CA12: variants seen among roughly 807,000 people sequenced by gnomAD.
CA12 encodes carbonic anhydrase 12, also known as carbonate dehydratase XII.
In CA12, 36 loss-of-function variants were observed where a neutral mutation model predicts 46.8. The ratio of observed to expected loss-of-function variants is 0.77; its 90% CI spans 0.59 to 1.02. The LOEUF is 1.02. Among genes scored for constraint, CA12 ranks in the 50% least tolerant of loss-of-function variants. CA12 has a pLI of 0.00. For missense variants in CA12, 436 were observed against 451.4 expected (o/e 0.97, Z 0.31); for synonymous variants, 202 against 187.0 (o/e 1.08, Z -0.65).
At chr15:63,338,245 T>TC (rs1484983417) in intron 8 of CA12, among the ~76,000 whole-genome samples, 1 of 152,234 alleles carries the variant, frequency 6.6e-6, no homozygotes, top group Non-Finnish European at 1.5e-5. Context: ...TTATGCAAGC[T>TC]CCAAGGAGGT....
Position 63,381,693 on chromosome 15 carries a change from C to T in CA12, c.28G>A (p.Ala10Thr), listed in dbSNP as rs761466985. The T allele has an allele frequency of 1.9e-6, 3 of 1,608,812 alleles. No individual in the cohort carries two copies. Among genetic ancestry groups the T allele is most frequent in the Middle Eastern group, 1.7e-4 (1 of 6,042 alleles). MPRRSLHAA[A>T]VLLLVILKEQ... ...TTTAAGATCACCAGCAGGAGCACGG[C>T]CGCCGCGTGCAGGCTGCGCCGGGGC... The change falls in exon 1 of 11, where the codon GCC (alanine) becomes ACC (threonine). Residue 10 changes from alanine to threonine, a missense_variant. Coordinates refer to ENST00000178638, the MANE Select transcript of CA12 (RefSeq NM_001218.5).
At position 63,339,782 on chromosome 15, in the gene CA12, G is replaced by A. The variant is rs1206664217; in HGVS notation, c.747+506C>T. ...GTCTCAGCTTTGTCACTAACCCGCG[G>A]GTGATCCCACAGACTTCTACTCTTC... On this transcript the variant is annotated intron_variant, in intron 7 of 10. Transcript: ENST00000178638. This position sits in a 1 kb window ranked among gnomAD's most constrained non-coding sequence, Gnocchi z 4.3. Among the ~76,000 whole-genome samples the A allele has an allele frequency of 6.6e-6, 1 of 152,166 alleles. No individual in the cohort carries two copies. The highest frequency in any genetic ancestry group is 1.9e-4 in the East Asian group (1 of 5,192).
At chr15:63,363,672 A>C (rs796600924) in intron 2 of CA12, among the ~76,000 whole-genome samples, 5 of 152,390 alleles carry the variant, frequency 3.3e-5, no homozygotes, top group African/African-American at 1.2e-4. Context: ...CCTTTGCAGG[A>C]AAGCCAACAC....
chr15:63,376,578 C>CTTTCTTTCTTTCTTTCTT (rs2039578140), intron 1 of CA12, among the ~76,000 whole-genome samples: 1 of 116,600 alleles, frequency 8.6e-6, no homozygotes, highest in African/African-American at 2.9e-5. Flanking sequence ...TTCTTTCTTT[C>CTTTCTTTCTTTCTTTCTT]TTTCTTTCTT....
At chr15:63,352,357 T>C (rs2039243731) in intron 2 of CA12, among the ~76,000 whole-genome samples, 1 of 152,212 alleles carries the variant, frequency 6.6e-6, no homozygotes, top group Non-Finnish European at 1.5e-5. Flanking sequence ...GCACCCAGCC[T>C]GTGTTTTTGT....
At chr15:63,358,880 T>C (rs2152622397) in intron 2 of CA12, among the ~76,000 whole-genome samples, 1 of 152,296 alleles carries the variant, frequency 6.6e-6, no homozygotes. Flanking sequence ...CCACACAGAC[T>C]CTTCGGCCCT....
At chr15:63,349,654 CG>C (rs1487457756) in intron 2 of CA12, among the ~76,000 whole-genome samples, 6 of 152,122 alleles carry the variant, frequency 3.9e-5, no homozygotes, top group African/African-American at 1.4e-4. Context: ...AGAGATTTGC[CG>C]GAAGTTTGAC....
At chr15:63,337,892 C>A (rs532350808) in intron 8 of CA12, among the ~76,000 whole-genome samples, 2 of 152,190 alleles carry the variant, frequency 1.3e-5, no homozygotes, top group Admixed American at 1.3e-4. Flanking sequence ...ACGCCAGGCC[C>A]GGTTTGGTCC....
intron 2 of CA12, 91 bp downstream of exon 2, chr15:63,375,567 C>A: frequency 2.4e-6 from 2 of 851,010 alleles, no homozygotes; most frequent in East Asian, 5.3e-5. Context: ...TCAAAATCAC[C>A]TCCACAGAGC....
At chr15:63,326,495 C>T (rs554708186) in intron 10 of CA12, 138 bp from the exon 11 acceptor site, 92 of 719,780 alleles carry the variant, frequency 1.3e-4, no homozygotes, top group Non-Finnish European at 2.2e-4. Context: ...TTCTGTTGGT[C>T]TTGGGAGGGA....
At chr15:63,351,682 C>G (rs1002339213) in intron 2 of CA12, among the ~76,000 whole-genome samples, 5 of 152,208 alleles carry the variant, frequency 3.3e-5, no homozygotes, top group African/African-American at 1.2e-4. Context: ...TTCGTCCACT[C>G]TTCAAAGTCC....
At chr15:63,346,428 GA>G in intron 3 of CA12, 101 bp downstream of exon 3, 1 of 931,776 alleles carries the variant, frequency 1.1e-6, no homozygotes, top group Non-Finnish European at 1.7e-6. Flanking sequence ...CCTCCTCCTG[GA>G]TGCTTCCACG....
intron 2 of CA12, among the ~76,000 whole-genome samples, chr15:63,361,257 A>G (rs1457824003): frequency 6.6e-6 from 1 of 152,254 alleles, no homozygotes; most frequent in Non-Finnish European, 1.5e-5. Flanking sequence ...TAATGATACA[A>G]TAATACAAAC....
At position 63,345,660 on chromosome 15, in the gene CA12, C is replaced by G. The variant is rs1338402170; in HGVS notation, c.287-41G>C. Reference sequence around the variant, plus strand: ...GAGCAGCCTTCAGAGCCCCGGCCAGCTGTGCACTGCCAGAGAGCAGTCAGG... The same window carrying G: ...GAGCAGCCTTCAGAGCCCCGGCCAGGTGTGCACTGCCAGAGAGCAGTCAGG... On this transcript the variant is annotated intron_variant, in intron 3 of 10. Transcript: ENST00000178638. The surrounding 1 kb of genome is among the most constrained non-coding windows in gnomAD (Gnocchi z 4.3). 1 of 1,596,718 alleles carries G rather than the reference C, an allele frequency of 6.3e-7. No homozygotes were observed. Among genetic ancestry groups the G allele is most frequent in the Non-Finnish European group, 8.5e-7 (1 of 1,175,718 alleles).
intron 4 of CA12, among the ~76,000 whole-genome samples, chr15:63,344,230 G>A (rs1250443068): frequency 6.6e-6 from 1 of 152,144 alleles, no homozygotes; most frequent in East Asian, 1.9e-4. Context: ...TCAGAAGAAT[G>A]CGACCTCTTG....
chr15:63,364,355 A>AAAAAAAAT, intron 2 of CA12, among the ~76,000 whole-genome samples: 1 of 150,516 alleles, frequency 6.6e-6, no homozygotes, highest in African/African-American at 2.4e-5. Context: ...AAAAAAAAAA[A>AAAAAAAAT]CAGTGGGACT....
chr15:63,360,310 C>A lies in CA12; in HGVS notation c.107-13601G>T, dbSNP rs989706301. Among the ~76,000 whole-genome samples, 5 of 152,258 alleles carry A rather than the reference C, an allele frequency of 3.3e-5. No homozygotes were observed. The East Asian group carries it at 5.8e-4, about 18-fold the overall frequency. On this transcript the variant is annotated intron_variant, in intron 2 of 10. Transcript: ENST00000178638. ...GGAAACCTCATTCTTTTAAAGGGGG[C>A]GGCTAGCAAACCTGTCCAACATTTA...
Position 63,327,294 on chromosome 15 carries a change from GC to G in CA12, c.908-62del. 3.0e-6 allele frequency: 4 copies of G among 1,336,336 alleles called. No homozygotes were observed. The highest frequency in any genetic ancestry group is 1.4e-5 in the African/African-American group (1 of 69,154). 82.8% of individuals were successfully genotyped at this position (1,336,336 alleles called of 1,614,324 possible). A position where few individuals can be genotyped will look rare whatever the true frequency, so the allele number is the denominator to read the frequency against. On this transcript the variant is annotated intron_variant, in intron 9 of 10. Transcript: ENST00000178638. The surrounding 1 kb of genome is among the most constrained non-coding windows in gnomAD (Gnocchi z 4.5). ...TCCTTCCCCTCCATCTTAGCCCATG[GC>G]CCCCGGGTGTGAAATCATGGCCCAG...
intron 2 of CA12, among the ~76,000 whole-genome samples, chr15:63,347,549 G>T (rs2039166818): frequency 6.6e-6 from 1 of 152,140 alleles, no homozygotes; most frequent in Non-Finnish European, 1.5e-5. Context: ...TTTAAAAAAA[G>T]AAATTCCTCC....
Sources: allele counts gnomAD v4.1 joint callset (sites outside exome capture counted in the v4.1 genomes callset), GRCh38; gene constraint gnomAD v4.1.1; non-coding constraint Gnocchi (gnomAD v3.1); transcripts MANE v1.5; gene names NCBI Gene and HGNC (gene_info 2026-07-23, HGNC 2026-07-21).